The following TGFBR3 variants were observed in gnomAD, a reference collection of about 807,000 sequenced individuals.
The protein encoded by TGFBR3 is transforming growth factor beta receptor type 3.
A neutral mutation model predicts 87.9 loss-of-function variants in TGFBR3; 46 were observed. That is an observed-to-expected ratio of 0.52 (90% CI 0.41 to 0.67). The LOEUF is 0.67. Among genes scored for constraint, TGFBR3 ranks in the 30% least tolerant of loss-of-function variants. The probability of loss-of-function intolerance (pLI) is 0.00; values close to 1 mark genes in which losing one functional copy is unlikely to be tolerated. For synonymous variants in TGFBR3, 381 were observed against 391.6 expected (o/e 0.97, Z 0.32); for missense variants, 866 against 1,041.9 (o/e 0.83, Z 2.32).
chr1:91,695,788 G>A lies in TGFBR3; in HGVS notation c.2330-9C>T. On this transcript the variant is annotated splice_polypyrimidine_tract_variant and intron_variant, in intron 15 of 16. Transcript: ENST00000212355. ...CAGACCATGGAAAATTGCTATAAAG[G>A]AGAGAAACCGATACACACAACTTTT... The A allele has an allele frequency of 6.2e-7, 1 of 1,611,924 alleles. No individual in the cohort carries two copies. Among genetic ancestry groups the A allele is most frequent in the East Asian group, 2.2e-5 (1 of 44,878 alleles).
At chr1:91,783,042 G>A (rs1020935384) in intron 3 of TGFBR3, among the ~76,000 whole-genome samples, 1 of 152,196 alleles carries the variant, frequency 6.6e-6, no homozygotes, top group African/African-American at 2.4e-5. Context: ...ACAAATAGAA[G>A]TTAAGCCATA....
chr1:91,722,378 A>T (rs886225594), intron 7 of TGFBR3, among the ~76,000 whole-genome samples: 7 of 152,072 alleles, frequency 4.6e-5, no homozygotes, highest in African/African-American at 1.4e-4. Context: ...CTATGCTGAT[A>T]AAAAAAATCA....
At chr1:91,829,173 C>T (rs1341857252) in intron 2 of TGFBR3, among the ~76,000 whole-genome samples, 1 of 151,930 alleles carries the variant, frequency 6.6e-6, no homozygotes, top group Non-Finnish European at 1.5e-5. Context: ...GTCAGGAGTT[C>T]AAGACCAGCC....
At chr1:91,738,408 A>G (rs966334209) in intron 4 of TGFBR3, among the ~76,000 whole-genome samples, 1 of 152,210 alleles carries the variant, frequency 6.6e-6, no homozygotes, top group Non-Finnish European at 1.5e-5. Context: ...TCATGGGGGC[A>G]GATCCCCCCA....
At chr1:91,881,339 A>C (rs2101288232) in intron 1 of TGFBR3, among the ~76,000 whole-genome samples, 1 of 152,324 alleles carries the variant, frequency 6.6e-6, no homozygotes, top group East Asian at 1.9e-4. Context: ...GTCACAACCA[A>C]GTTTGCATGC....
At chr1:91,769,343 T>C (rs1674294289) in intron 3 of TGFBR3, among the ~76,000 whole-genome samples, 1 of 152,004 alleles carries the variant, frequency 6.6e-6, no homozygotes, top group African/African-American at 2.4e-5. Flanking sequence ...TCAAAACGGG[T>C]TTCCTCATAG....
intron 7 of TGFBR3, among the ~76,000 whole-genome samples, chr1:91,724,960 C>T (rs920673759): frequency 4.6e-5 from 7 of 152,150 alleles, no homozygotes; most frequent in Non-Finnish European, 8.8e-5. Context: ...TAAGAACAAG[C>T]TGCCCATCAT....
At chr1:91,722,533 CAAACAGACATGTTATAT>C (rs1256026498) in intron 7 of TGFBR3, among the ~76,000 whole-genome samples, 53 of 152,162 alleles carry the variant, frequency 3.5e-4, no homozygotes, top group Middle Eastern at 3.4e-3. Context: ...ATAAAGTATA[CAAACAGACATGTTATAT>C]TGCCCTCAAA....
At chr1:91,862,550 C>CT (rs1678241049) in intron 1 of TGFBR3, among the ~76,000 whole-genome samples, 2 of 152,286 alleles carry the variant, frequency 1.3e-5, no homozygotes, top group South Asian at 4.1e-4. Flanking sequence ...TAAGCTTTTC[C>CT]TATCCAGAGT....
At chr1:91,787,216 G>A (rs12091118) in intron 3 of TGFBR3, among the ~76,000 whole-genome samples, 2,536 of 152,100 alleles carry the variant, frequency 0.017, 80 homozygotes, top group African/African-American at 0.058. Flanking sequence ...CAAGAGAATC[G>A]CTTGAACCCA....
chr1:91,811,866 T>C (rs1676042332), intron 2 of TGFBR3, among the ~76,000 whole-genome samples: 2 of 151,830 alleles, frequency 1.3e-5, no homozygotes, highest in South Asian at 2.1e-4. Flanking sequence ...ATGTGTCATA[T>C]GATGTTTCAA....
chr1:91,717,197 C>T (rs17879525), intron 10 of TGFBR3, among the ~76,000 whole-genome samples: 2 of 152,088 alleles, frequency 1.3e-5, no homozygotes, highest in East Asian at 1.9e-4. Context: ...GAGTCAGCAG[C>T]GAAGGACCTA....
intron 4 of TGFBR3, among the ~76,000 whole-genome samples, chr1:91,756,765 C>G (rs995921269): frequency 6.6e-6 from 1 of 152,100 alleles, no homozygotes; most frequent in East Asian, 1.9e-4. Flanking sequence ...TTTAAATTTA[C>G]AGCAAAGTTG....
At chr1:91,735,200 G>A (rs552982700) in intron 4 of TGFBR3, among the ~76,000 whole-genome samples, 5 of 152,288 alleles carry the variant, frequency 3.3e-5, no homozygotes, top group Admixed American at 6.5e-5. Flanking sequence ...TTGTGAGGAC[G>A]GACTGCATTG....
chr1:91,810,597 T>C (rs1355128798), intron 2 of TGFBR3, among the ~76,000 whole-genome samples: 1 of 152,196 alleles, frequency 6.6e-6, no homozygotes, highest in Non-Finnish European at 1.5e-5. Flanking sequence ...TTCATAAACA[T>C]TTGTTGAGTG....
At chr1:91,690,261 G>A (rs1007302233) in intron 16 of TGFBR3, among the ~76,000 whole-genome samples, 1 of 152,064 alleles carries the variant, frequency 6.6e-6, no homozygotes, top group African/African-American at 2.4e-5. Flanking sequence ...TTCCTCCCTC[G>A]CTCCACTGGG....
intron 3 of TGFBR3, among the ~76,000 whole-genome samples, chr1:91,766,173 C>A (rs1270194237): frequency 6.6e-6 from 1 of 151,364 alleles, no homozygotes; most frequent in African/African-American, 2.4e-5. Context: ...AGGCATAAAC[C>A]ACCATAACCA....
intron 2 of TGFBR3, among the ~76,000 whole-genome samples, chr1:91,898,631 G>A (rs1214934006): frequency 1.3e-5 from 2 of 152,066 alleles, no homozygotes; most frequent in Non-Finnish European, 2.9e-5. Context: ...GTAGAGACGG[G>A]GTTTCACCGT....
chr1:91,885,084 T>C (rs1679242082), intron 1 of TGFBR3, among the ~76,000 whole-genome samples: 1 of 152,252 alleles, frequency 6.6e-6, no homozygotes, highest in Admixed American at 6.5e-5. Context: ...ACAGCAACTT[T>C]ACGGGGCAAG....
Sources: allele counts gnomAD v4.1 joint callset (sites outside exome capture counted in the v4.1 genomes callset), GRCh38; gene constraint gnomAD v4.1.1; transcripts MANE v1.5; gene names NCBI Gene and HGNC (gene_info 2026-07-23, HGNC 2026-07-21).